The following HSD17B3 variants were observed in gnomAD, a reference collection of about 807,000 sequenced individuals.
HSD17B3 encodes the protein 17-beta-hydroxysteroid dehydrogenase type 3.
In HSD17B3, 29 loss-of-function variants were observed where a neutral mutation model predicts 41.1. The ratio of observed to expected loss-of-function variants is 0.71; its 90% CI spans 0.53 to 0.96. The LOEUF is 0.96. Among genes scored for constraint, HSD17B3 ranks in the 40% least tolerant of loss-of-function variants. The pLI is 0.00. For missense variants in HSD17B3, 323 were observed against 374.6 expected (o/e 0.86, Z 1.14); for synonymous variants, 126 against 145.6 (o/e 0.87, Z 0.97).
chr9:96,288,623 C>G (rs1443789870), intron 2 of HSD17B3, among the ~76,000 whole-genome samples: 1 of 151,912 alleles, frequency 6.6e-6, no homozygotes, highest in Non-Finnish European at 1.5e-5. Context: ...ACCACCACCA[C>G]CATCTCTACA....
intron 2 of HSD17B3, among the ~76,000 whole-genome samples, chr9:96,280,285 T>G (rs1826638100): frequency 2.0e-5 from 3 of 152,202 alleles, no homozygotes; most frequent in Admixed American, 2.0e-4. Context: ...TTCACATACT[T>G]TTGTTCATTC....
At chr9:96,263,566 G>GA (rs1340861220) in intron 2 of HSD17B3, among the ~76,000 whole-genome samples, 4 of 138,730 alleles carry the variant, frequency 2.9e-5, no homozygotes, top group Non-Finnish European at 6.3e-5. Flanking sequence ...AAAAAAAAAA[G>GA]AAAAAAAAAT....
chr9:96,267,388 C>A (rs1826081304), intron 2 of HSD17B3, among the ~76,000 whole-genome samples: 2 of 151,920 alleles, frequency 1.3e-5, no homozygotes, highest in African/African-American at 4.8e-5. Flanking sequence ...GAACTCCTGA[C>A]CTCAAGTGAT....
intron 2 of HSD17B3, among the ~76,000 whole-genome samples, chr9:96,259,746 G>A (rs1205863756): frequency 6.6e-6 from 1 of 151,662 alleles, no homozygotes; most frequent in Non-Finnish European, 1.5e-5. Context: ...AGTGTGTAGC[G>A]GAGAATCTGT....
At chr9:96,248,251 T>C (rs1466903455) in intron 6 of HSD17B3, among the ~76,000 whole-genome samples, 1 of 152,196 alleles carries the variant, frequency 6.6e-6, no homozygotes, top group African/African-American at 2.4e-5. Flanking sequence ...CAAAAAGATG[T>C]GTGTACCCAA....
At chr9:96,282,137 T>C (rs1826723810) in intron 2 of HSD17B3, among the ~76,000 whole-genome samples, 1 of 152,060 alleles carries the variant, frequency 6.6e-6, no homozygotes, top group Non-Finnish European at 1.5e-5. Flanking sequence ...CCTTGGGAGC[T>C]TGACCTTGTA....
chr9:96,249,514 T>C (rs1023912295), intron 6 of HSD17B3: 7 of 580,432 alleles, frequency 1.2e-5, no homozygotes, highest in Non-Finnish European at 1.8e-5. Context: ...TTCCAACGTG[T>C]GACAAAACTG....
intron 2 of HSD17B3, among the ~76,000 whole-genome samples, chr9:96,280,803 C>A (rs148528625): frequency 6.6e-6 from 1 of 152,224 alleles, no homozygotes; most frequent in African/African-American, 2.4e-5. Context: ...AGTAAAAAAG[C>A]CAGCTAAAAC....
intron 2 of HSD17B3, among the ~76,000 whole-genome samples, chr9:96,256,601 G>A (rs1259222779): frequency 6.6e-6 from 1 of 152,156 alleles, no homozygotes; most frequent in Non-Finnish European, 1.5e-5. Context: ...AACCCAGGAG[G>A]TGGAGGTTGC....
chr9:96,241,059 G>A (rs939365995), intron 9 of HSD17B3, 152 bp from the exon 10 acceptor site: 31 of 904,150 alleles, frequency 3.4e-5, no homozygotes, highest in African/African-American at 5.0e-5. Flanking sequence ...GCACAGTACC[G>A]GCACAGAGCT....
At chr9:96,261,209 T>TCTGCTGCCAAGGGTTAGGA (rs59580445) in intron 2 of HSD17B3, among the ~76,000 whole-genome samples, 15 of 151,428 alleles carry the variant, frequency 9.9e-5, no homozygotes, top group African/African-American at 3.6e-4. Context: ...GATGGAGCCT[T>TCTGCTGCCAAGGGTTAGGA]CTGCTGCCAA....
intron 5 of HSD17B3, 85 bp downstream of exon 5, chr9:96,251,333 G>A (rs893281855): frequency 8.1e-5 from 91 of 1,128,872 alleles, no homozygotes; most frequent in South Asian, 6.7e-4. Flanking sequence ...CTTCCATCAC[G>A]CCTTCCCAGG....
chr9:96,271,651 G>A (rs1795419713), intron 2 of HSD17B3, among the ~76,000 whole-genome samples: 3 of 152,212 alleles, frequency 2.0e-5, no homozygotes, highest in Admixed American at 6.5e-5. Context: ...GAACCCACAC[G>A]ATAGATGGAA....
intron 2 of HSD17B3, among the ~76,000 whole-genome samples, chr9:96,269,415 T>A (rs1025542693): frequency 3.3e-5 from 5 of 152,182 alleles, no homozygotes; most frequent in Admixed American, 3.3e-4. Flanking sequence ...CAGAAGTGTT[T>A]CTATCAGCAA....
At chr9:96,238,892 A>C (rs1202338760) in intron 10 of HSD17B3, among the ~76,000 whole-genome samples, 3 of 152,230 alleles carry the variant, frequency 2.0e-5, no homozygotes, top group Non-Finnish European at 2.9e-5. Context: ...GTCCAACCAC[A>C]GGAAATTATC....
intron 8 of HSD17B3, among the ~76,000 whole-genome samples, chr9:96,244,684 T>C (rs1342849319): frequency 2.0e-5 from 3 of 151,908 alleles, no homozygotes; most frequent in Non-Finnish European, 4.4e-5. Flanking sequence ...CCGGTAAGTA[T>C]GTGAGGTCAT....
At chr9:96,274,812 G>T (rs1384647674) in intron 2 of HSD17B3, among the ~76,000 whole-genome samples, 1 of 152,092 alleles carries the variant, frequency 6.6e-6, no homozygotes, top group Admixed American at 6.5e-5. Context: ...AACAGAGAAA[G>T]AAAAGGGCAA....
rs548025403 is a variant in HSD17B3, at chr9:96,273,976, G to T, written c.202-19033C>A. 2.0e-5 allele frequency among the ~76,000 whole-genome samples: 3 copies of T among 152,226 alleles called. No individual in the cohort carries two copies. In the South Asian group the frequency reaches 6.2e-4, roughly 32 times the overall value. On this transcript the variant is annotated intron_variant, in intron 2 of 10. Coordinates refer to ENST00000375263, the MANE Select transcript of HSD17B3 (RefSeq NM_000197.2). ...GGAAGAGGTGATTTCTTCTTCAAAT[G>T]CACAGACATTAATGCAAGACTCCAA...
chr9:96,250,751 G>T (rs1836864413), intron 5 of HSD17B3, among the ~76,000 whole-genome samples: 1 of 152,034 alleles, frequency 6.6e-6, no homozygotes, highest in Non-Finnish European at 1.5e-5. Flanking sequence ...AGCTGGGCGT[G>T]GTGGCAGGCG....
Sources: allele counts gnomAD v4.1 joint callset (sites outside exome capture counted in the v4.1 genomes callset), GRCh38; gene constraint gnomAD v4.1.1; transcripts MANE v1.5; gene names NCBI Gene and HGNC (gene_info 2026-07-23, HGNC 2026-07-21).